EXOC1L: variants seen among roughly 807,000 people sequenced by gnomAD.
EXOC1L encodes the protein exocyst complex component 1-like.
Under a neutral mutation model 4.9 loss-of-function variants are expected in EXOC1L, and 10 were observed. The observed-to-expected ratio is 2.02, with a 90% confidence interval of 1.25 to 3.43. The LOEUF (loss-of-function observed/expected upper bound fraction) is 3.43, where lower values mean the gene tolerates loss of function less well. Ranked by LOEUF, EXOC1L falls within the 30% of genes most tolerant of loss-of-function variation. The probability of loss-of-function intolerance (pLI) is 0.00; values close to 1 mark genes in which losing one functional copy is unlikely to be tolerated. For missense variants in EXOC1L, 114 were observed against 59.4 expected, an observed-to-expected ratio of 1.92 and a Z score of -3.02; for synonymous variants, 41 against 20.8, an observed-to-expected ratio of 1.97 and a Z score of -2.63.
At position 55,831,476 on chromosome 4, in the gene EXOC1L, A is replaced by G. The variant is rs1386496760; in HGVS notation, c.252+12A>G. The G allele has an allele frequency of 3.0e-6, 2 of 675,622 alleles. No individual in the cohort carries two copies. Among genetic ancestry groups the G allele is most frequent in the East Asian group, 2.7e-5 (1 of 36,682 alleles). 41.9% of individuals were successfully genotyped at this position (675,622 alleles called of 1,614,324 possible). ...AAGAAGCAGATACTGTAAGTGTTAC[A>G]TTTTATAAGGAGATGTGGAATCAAT... On this transcript the variant is annotated intron_variant, in intron 2 of 2. Coordinates refer to ENST00000636125, the MANE Select transcript of EXOC1L (RefSeq NM_001351574.3).
intron 1 of EXOC1L, among the ~76,000 whole-genome samples, chr4:55,827,365 CCCAGACCCCCA>C (rs1367929323): frequency 6.6e-6 from 1 of 152,202 alleles, no homozygotes; most frequent in African/African-American, 2.4e-5. Context: ...AGGAAGCTCT[CCCAGACCCCCA>C]CTTGGATGAA....
rs1204166703 is a variant in EXOC1L at position 55,832,418 on chromosome 4, C to G, written c.252+954C>G. Among the ~76,000 whole-genome samples the G allele has an allele frequency of 2.6e-5, 4 of 151,992 alleles. No homozygotes were observed. In the East Asian group the frequency reaches 7.7e-4, roughly 29 times the overall value. The stretch of plus-strand genomic sequence containing the variant: ...TTCTAATATCGTTATTTTTTAATAT[C>G]ACTATAGTATGATTCAGATTTAATG... On this transcript the variant is annotated intron_variant, in intron 2 of 2. Coordinates refer to ENST00000636125, the MANE Select transcript of EXOC1L (RefSeq NM_001351574.3).
At chr4:55,825,181 A>G (rs1354730413) in intron 1 of EXOC1L, among the ~76,000 whole-genome samples, 3 of 152,186 alleles carry the variant, frequency 2.0e-5, no homozygotes, top group African/African-American at 7.2e-5. Context: ...CAACCAGCTT[A>G]TGTGATAGAT....
intron 1 of EXOC1L, 45 bp downstream of exon 1, chr4:55,820,192 A>G: frequency 2.5e-6 from 1 of 398,548 alleles, no homozygotes; most frequent in Non-Finnish European, 4.4e-6. Flanking sequence ...AAGTCACCCA[A>G]AGATGCTTGG....
intron 2 of EXOC1L, among the ~76,000 whole-genome samples, chr4:55,833,219 C>T (rs920788314): frequency 1.3e-5 from 2 of 151,680 alleles, no homozygotes; most frequent in African/African-American, 2.4e-5. Flanking sequence ...AAATATGCTT[C>T]CAAAAGAATA....
intron 1 of EXOC1L, among the ~76,000 whole-genome samples, chr4:55,820,730 A>G (rs1282873101): frequency 6.6e-6 from 1 of 152,258 alleles, no homozygotes; most frequent in East Asian, 1.9e-4. Context: ...TGGTGAAACT[A>G]GTTCATGAAA....
At chr4:55,836,968 A>T in intron 2 of EXOC1L, 117 bp from the exon 3 acceptor site, 1 of 473,820 alleles carries the variant, frequency 2.1e-6, no homozygotes, top group Non-Finnish European at 3.7e-6. Flanking sequence ...TTTTAGAAAT[A>T]TGTTTGATAC....
chr4:55,830,460 C>T (rs1577666440), intron 1 of EXOC1L, among the ~76,000 whole-genome samples: 1 of 152,136 alleles, frequency 6.6e-6, no homozygotes, highest in South Asian at 2.1e-4. Context: ...TTACTTGTAT[C>T]CCCTGCGGCA....
chr4:55,837,050 C>G (rs1467135077), intron 2 of EXOC1L, 35 bp from the exon 3 acceptor site: 11 of 646,544 alleles, frequency 1.7e-5, no homozygotes, highest in African/African-American at 3.6e-5. Context: ...ACTTTCTTGG[C>G]TACCAACTAA....
intron 2 of EXOC1L, among the ~76,000 whole-genome samples, chr4:55,836,707 C>T (rs1434850517): frequency 2.0e-5 from 3 of 151,922 alleles, no homozygotes; most frequent in Non-Finnish European, 4.4e-5. Flanking sequence ...GAACCAACCT[C>T]GTACTAAAAA....
intron 1 of EXOC1L, among the ~76,000 whole-genome samples, chr4:55,830,509 T>C (rs1720003021): frequency 6.6e-6 from 1 of 152,190 alleles, no homozygotes; most frequent in African/African-American, 2.4e-5. Context: ...AAATACTCAG[T>C]AAATACTCCT....
At chr4:55,821,975 A>T (rs1719755081) in intron 1 of EXOC1L, among the ~76,000 whole-genome samples, 1 of 152,200 alleles carries the variant, frequency 6.6e-6, no homozygotes, top group South Asian at 2.1e-4. Flanking sequence ...TGACTCAGAC[A>T]ATTTCCATTG....
chr4:55,834,200 T>G (rs1404578424), intron 2 of EXOC1L, among the ~76,000 whole-genome samples: 1 of 151,970 alleles, frequency 6.6e-6, no homozygotes, highest in East Asian at 1.9e-4. Context: ...CTTTAAAATG[T>G]AATGGAATTG....
intron 2 of EXOC1L, among the ~76,000 whole-genome samples, chr4:55,835,950 C>T (rs187431529): frequency 1.8e-4 from 27 of 151,956 alleles, no homozygotes; most frequent in African/African-American, 6.0e-4. Flanking sequence ...TGATTATTCG[C>T]ATGTAAATTT....
At chr4:55,829,383 T>C (rs1172665187) in intron 1 of EXOC1L, among the ~76,000 whole-genome samples, 1 of 152,166 alleles carries the variant, frequency 6.6e-6, no homozygotes, top group Non-Finnish European at 1.5e-5. Flanking sequence ...TAGACCACAC[T>C]GTTGAGAGGT....
intron 2 of EXOC1L, among the ~76,000 whole-genome samples, chr4:55,832,518 G>A (rs916925538): frequency 1.3e-5 from 2 of 151,912 alleles, no homozygotes; most frequent in Admixed American, 1.3e-4. Flanking sequence ...TGTACCTCTA[G>A]ATCATTGATG....
At chr4:55,834,569 T>C (rs1359244957) in intron 2 of EXOC1L, among the ~76,000 whole-genome samples, 1 of 151,934 alleles carries the variant, frequency 6.6e-6, no homozygotes, top group Non-Finnish European at 1.5e-5. Context: ...CTCAAAGGCA[T>C]GAGGGGTATT....
chr4:55,820,215 A>T (rs1481914225), intron 1 of EXOC1L, 68 bp downstream of exon 1: 15 of 327,452 alleles, frequency 4.6e-5, no homozygotes, highest in Non-Finnish European at 7.7e-5. Context: ...GATAGAGGGA[A>T]TTTTTTTTTT....
At chr4:55,828,754 G>T (rs1218454679) in intron 1 of EXOC1L, among the ~76,000 whole-genome samples, 3 of 152,156 alleles carry the variant, frequency 2.0e-5, no homozygotes, top group Non-Finnish European at 4.4e-5. Flanking sequence ...TGAGGTGGAA[G>T]TATGCTTGAG....
Sources: gnomAD v4.1 joint callset for allele counts (sites outside exome capture counted in the v4.1 genomes callset) on GRCh38, gnomAD v4.1.1 for gene constraint, MANE v1.5 for transcripts, NCBI Gene and HGNC (gene_info 2026-07-23, HGNC 2026-07-21) for gene names.